ARHGEF28: variants seen among roughly 807,000 people sequenced by gnomAD.
The protein encoded by ARHGEF28 is 190 kDa guanine nucleotide exchange factor.
In ARHGEF28, 152 loss-of-function variants were observed where a neutral mutation model predicts 206.6. The observed-to-expected ratio is 0.74, with a 90% CI of 0.64 to 0.84. ARHGEF28 has a LOEUF of 0.84. Among genes scored for constraint, ARHGEF28 ranks in the 40% least tolerant of loss-of-function variants. ARHGEF28 has a pLI of 0.00. For missense variants in ARHGEF28, 2,028 were observed against 2,073.2 expected (o/e 0.98, Z 0.42); for synonymous variants, 763 against 776.4 (o/e 0.98, Z 0.29).
chr5:73,662,641 T>C (rs1745685673), intron 1 of ARHGEF28, among the ~76,000 whole-genome samples: 1 of 152,268 alleles, frequency 6.6e-6, no homozygotes, highest in African/African-American at 2.4e-5. Flanking sequence ...TATGTCTTCA[T>C]ACCTTACTTA....
At chr5:73,845,144 A>C (rs1758249410) in intron 11 of ARHGEF28, among the ~76,000 whole-genome samples, 1 of 151,228 alleles carries the variant, frequency 6.6e-6, no homozygotes, top group East Asian at 2.0e-4. Context: ...TAGCATCCCA[A>C]GTAGCTGGGA....
intron 21 of ARHGEF28, among the ~76,000 whole-genome samples, chr5:73,872,220 C>T (rs1026504232): frequency 1.3e-5 from 2 of 152,118 alleles, no homozygotes; most frequent in Admixed American, 6.5e-5. Flanking sequence ...TTTTGATTTT[C>T]ATTTCCCCAA....
intron 9 of ARHGEF28, among the ~76,000 whole-genome samples, chr5:73,810,629 G>T (rs537831028): frequency 1.3e-5 from 2 of 152,242 alleles, no homozygotes; most frequent in South Asian, 4.2e-4. Context: ...TAGGGGTGGT[G>T]CTTGTTGTAA....
rs188476039 is a variant in ARHGEF28 at position 73,829,504 on chromosome 5, C to T, written c.1025-2834C>T. The stretch of plus-strand genomic sequence containing the variant: ...AAGCAATTCTCCTGCCTCAGCCTTC[C>T]GAGTAGCTGGGACTACAGGCGTGTG... On this transcript the variant is annotated intron_variant, in intron 9 of 35. Coordinates refer to ENST00000513042, the MANE Select transcript of ARHGEF28 (RefSeq NM_001177693.2). Among the ~76,000 whole-genome samples the T allele has an allele frequency of 1.3e-3, 199 of 152,102 alleles. 1 individual carries two copies. The highest frequency in any genetic ancestry group is 4.6e-3 in the African/African-American group (190 of 41,494).
chr5:73,904,000 C>T (rs1273571655), intron 31 of ARHGEF28: 3 of 542,040 alleles, frequency 5.5e-6, no homozygotes, highest in East Asian at 6.0e-5. Flanking sequence ...AATTGCCATC[C>T]ATCTCAAACA....
intron 1 of ARHGEF28, among the ~76,000 whole-genome samples, chr5:73,628,335 A>G (rs1743134239): frequency 6.6e-6 from 1 of 152,218 alleles, no homozygotes; most frequent in Non-Finnish European, 1.5e-5. Context: ...CTATATTGGT[A>G]CCCAAGCTCC....
At chr5:73,745,290 A>G (rs970448613) in intron 2 of ARHGEF28, among the ~76,000 whole-genome samples, 10 of 152,056 alleles carry the variant, frequency 6.6e-5, no homozygotes, top group Non-Finnish European at 1.5e-4. Context: ...CAGCCACTCA[A>G]TTACTCAAGG....
intron 1 of ARHGEF28, among the ~76,000 whole-genome samples, chr5:73,633,261 G>A (rs1358785381): frequency 6.6e-6 from 1 of 152,164 alleles, no homozygotes; most frequent in African/African-American, 2.4e-5. Context: ...TTCCTAACAG[G>A]CCATGGACCT....
rs1369673955 is a variant in ARHGEF28, at chr5:73,927,329, C to T, written c.4949-13515C>T. On this transcript the variant is annotated intron_variant, in intron 35 of 35. Coordinates refer to ENST00000513042, the MANE Select transcript of ARHGEF28 (RefSeq NM_001177693.2). The stretch of plus-strand genomic sequence containing the variant: ...GAGGCTGCAGTAAGCTGTGGTCATA[C>T]CACTGCACTCCAGTTTTTGTGACAA... Among the ~76,000 whole-genome samples, 5 of 152,228 alleles carry T rather than the reference C, an allele frequency of 3.3e-5. No homozygotes were observed. The South Asian group carries it at 8.3e-4, about 25-fold the overall frequency.
intron 33 of ARHGEF28, 110 bp from the exon 34 acceptor site, chr5:73,909,297 TAAGAG>T: frequency 7.0e-7 from 1 of 1,430,068 alleles, no homozygotes; most frequent in Non-Finnish European, 9.3e-7. Context: ...CCAGAAATAT[TAAGAG>T]AAGTGAATTC....
At chr5:73,745,035 A>G (rs1751647202) in intron 2 of ARHGEF28, among the ~76,000 whole-genome samples, 1 of 152,196 alleles carries the variant, frequency 6.6e-6, no homozygotes, top group South Asian at 2.1e-4. Flanking sequence ...CCCTTGGTTA[A>G]GAAACCCCAC....
Position 73,735,350 on chromosome 5 carries a change from G to A in ARHGEF28, c.34-14487G>A, listed in dbSNP as rs980314441. 8.6e-5 allele frequency among the ~76,000 whole-genome samples: 13 copies of A among 151,884 alleles called. No individual in the cohort carries two copies. In the East Asian group the frequency reaches 1.7e-3, roughly 20 times the overall value. ...CAATGTTAAGAATTTCCTAAGATAG[G>A]CAGGCACTGTTTTTATTCCTGTTTT... is the stretch of plus-strand genomic sequence containing the variant. On this transcript the variant is annotated intron_variant, in intron 2 of 35. Coordinates refer to ENST00000513042, the MANE Select transcript of ARHGEF28 (RefSeq NM_001177693.2).
intron 2 of ARHGEF28, among the ~76,000 whole-genome samples, chr5:73,701,882 C>A (rs1337887887): frequency 1.3e-5 from 2 of 152,154 alleles, no homozygotes; most frequent in East Asian, 3.9e-4. Context: ...TTTAACCATT[C>A]CACTTTGTTT....
intron 10 of ARHGEF28, among the ~76,000 whole-genome samples, chr5:73,836,024 G>T (rs1757609511): frequency 6.7e-6 from 1 of 149,808 alleles, no homozygotes; most frequent in African/African-American, 2.4e-5. Flanking sequence ...AAAATCATAT[G>T]TGCCACATTT....
At chr5:73,879,835 A>G (rs533260595) in intron 22 of ARHGEF28, among the ~76,000 whole-genome samples, 18 of 152,106 alleles carry the variant, frequency 1.2e-4, no homozygotes, top group Non-Finnish European at 1.9e-4. Context: ...GTCTGCCCCT[A>G]CTGGGGGGTG....
At chr5:73,903,023 AT>A (rs1167556875) in intron 31 of ARHGEF28, 2 of 152,168 alleles carry the variant, frequency 1.3e-5, no homozygotes, top group Non-Finnish European at 2.9e-5. Flanking sequence ...CACAGATCTA[AT>A]GTCTTTAAGC....
chr5:73,713,197 G>C (rs953459701), intron 2 of ARHGEF28, among the ~76,000 whole-genome samples: 21 of 152,200 alleles, frequency 1.4e-4, no homozygotes. Context: ...CTGTTTGTCA[G>C]TGGTCAGCCT....
chr5:73,794,566 G>T, intron 8 of ARHGEF28, 112 bp downstream of exon 8: 2 of 842,034 alleles, frequency 2.4e-6, no homozygotes, highest in East Asian at 2.9e-5. Context: ...TGTGCCCCAA[G>T]TCACTTTCAG....
chr5:73,889,601 C>T (rs1761506932), intron 26 of ARHGEF28, among the ~76,000 whole-genome samples: 1 of 152,216 alleles, frequency 6.6e-6, no homozygotes, highest in African/African-American at 2.4e-5. Flanking sequence ...CTCTTTATCA[C>T]AATGCAATCC....
Sources: allele counts gnomAD v4.1 joint callset (sites outside exome capture counted in the v4.1 genomes callset), GRCh38; gene constraint gnomAD v4.1.1; transcripts MANE v1.5; gene names NCBI Gene and HGNC (gene_info 2026-07-23, HGNC 2026-07-21).